The following PRUNE2 variants were observed in gnomAD, a reference collection of about 807,000 sequenced individuals.
PRUNE2 encodes prune homolog 2 with BCH domain.
A neutral mutation model predicts 252.0 loss-of-function variants in PRUNE2; 164 were observed. That is an observed-to-expected ratio of 0.65 (90% CI 0.57 to 0.74). PRUNE2 has a LOEUF of 0.74. Ranked by LOEUF, PRUNE2 falls within the 30% of genes least tolerant of loss-of-function variation. PRUNE2 has a pLI of 0.00. For missense variants in PRUNE2, 3,495 were observed against 3,711.0 expected (o/e 0.94, Z 1.51); for synonymous variants, 1,292 against 1,350.2 (o/e 0.96, Z 0.94).
intron 17 of PRUNE2, among the ~76,000 whole-genome samples, chr9:76,622,690 A>G (rs1236473952): frequency 6.6e-6 from 1 of 152,250 alleles, no homozygotes; most frequent in Admixed American, 6.5e-5. Context: ...TGTTACACCA[A>G]CACTCAGTTC....
In PRUNE2 at chr9:76,707,846, G is replaced by A. The variant is rs775018894; in HGVS notation, c.4428C>T (p.Asn1476=). The stretch of plus-strand genomic sequence containing the variant: ...CTCTGTGAGGTGGCCCTCCACCCAC[G>A]TTCTCTGGCTCTAGAAAGTTACATT... The part of the protein sequence containing the change: ...TEECNFLEPE[N]VGGGPPHRVP... Residue 1476 remains asparagine, a synonymous_variant, in exon 8 of 19, where the codon AAC becomes AAT. Coordinates refer to ENST00000376718, the MANE Select transcript of PRUNE2 (RefSeq NM_015225.3). The A allele has an allele frequency of 1.1e-5, 18 of 1,613,540 alleles. No individual in the cohort carries two copies. Among genetic ancestry groups the A allele is most frequent in the East Asian group, 1.1e-4 (5 of 44,892 alleles).
chr9:76,896,978 G>A (rs1028427868), intron 1 of PRUNE2, among the ~76,000 whole-genome samples: 2 of 152,170 alleles, frequency 1.3e-5, no homozygotes, highest in Admixed American at 6.5e-5. Context: ...CCTCCCAATC[G>A]TTTATCAGTT....
At chr9:76,901,485 G>A (rs895104438) in intron 1 of PRUNE2, among the ~76,000 whole-genome samples, 2 of 152,160 alleles carry the variant, frequency 1.3e-5, no homozygotes, top group African/African-American at 4.8e-5. Context: ...CCTTTAAAAG[G>A]TATGAAGCAT....
chr9:76,840,846 T>C (rs1305887910), intron 4 of PRUNE2, among the ~76,000 whole-genome samples: 1 of 152,082 alleles, frequency 6.6e-6, no homozygotes, highest in Non-Finnish European at 1.5e-5. Context: ...CCGGGCTTTG[T>C]GGCAGGCACC....
intron 14 of PRUNE2, among the ~76,000 whole-genome samples, chr9:76,637,094 T>C (rs1349770174): frequency 6.6e-6 from 1 of 152,094 alleles, no homozygotes; most frequent in Non-Finnish European, 1.5e-5. Flanking sequence ...GAATGCTTTT[T>C]GAGATGTAAT....
chr9:76,814,419 T>C (rs985175912), intron 6 of PRUNE2, among the ~76,000 whole-genome samples: 5 of 152,172 alleles, frequency 3.3e-5, no homozygotes, highest in African/African-American at 1.2e-4. Context: ...CAAGTACCAA[T>C]TGAGTTCCCA....
intron 6 of PRUNE2, among the ~76,000 whole-genome samples, chr9:76,731,350 T>TATTG (rs59278163): frequency 0.18 from 25,305 of 141,866 alleles, 2,828 homozygotes; most frequent in East Asian, 0.49. Context: ...TGAGACAGGG[T>TATTG]ATTGCTCTGT....
intron 6 of PRUNE2, chr9:76,739,368 A>C (rs1219738126): frequency 6.6e-6 from 1 of 152,140 alleles, no homozygotes; most frequent in African/African-American, 2.4e-5. Flanking sequence ...CATGCCTATA[A>C]ACACAGGAAG....
chr9:76,661,141 A>C (rs945990105), intron 9 of PRUNE2, among the ~76,000 whole-genome samples: 1 of 152,248 alleles, frequency 6.6e-6, no homozygotes, highest in Non-Finnish European at 1.5e-5. Context: ...TTCTGCTTAA[A>C]AAAGAAACAT....
intron 9 of PRUNE2, among the ~76,000 whole-genome samples, chr9:76,668,340 C>G (rs574530547): frequency 5.9e-5 from 9 of 152,246 alleles, no homozygotes; most frequent in African/African-American, 2.2e-4. Flanking sequence ...CTCTGATTTT[C>G]CCAACTGTGC....
chr9:76,626,550 A>G (rs1017301997), intron 16 of PRUNE2, among the ~76,000 whole-genome samples: 4 of 152,216 alleles, frequency 2.6e-5, no homozygotes, highest in Non-Finnish European at 5.9e-5. Context: ...CTTTCTCCAG[A>G]AAAAAATTTT....
chr9:76,730,531 C>T (rs2048469389), intron 6 of PRUNE2, among the ~76,000 whole-genome samples: 1 of 152,104 alleles, frequency 6.6e-6, no homozygotes, highest in South Asian at 2.1e-4. Context: ...GGTCTGTGCA[C>T]CACATGTTGA....
chr9:76,778,818 T>C (rs2054071803), intron 6 of PRUNE2: 3 of 152,254 alleles, frequency 2.0e-5, no homozygotes, highest in Non-Finnish European at 4.4e-5. Flanking sequence ...CCAAATTTAA[T>C]ATATGTCAGA....
At position 76,702,063 on chromosome 9, in the gene PRUNE2, C is replaced by CT. The variant is rs533432061; in HGVS notation, c.8276+1273dup. ...AGTAGCAAAAATATATCTTTTCTCGCTTTTTTTTTTTTTTGAGACGGAGTC... is the reference window on the plus strand; with the variant it reads ...AGTAGCAAAAATATATCTTTTCTCGCTTTTTTTTTTTTTTTGAGACGGAGTC... On this transcript the variant is annotated intron_variant, in intron 9 of 18. Coordinates refer to ENST00000376718, the MANE Select transcript of PRUNE2 (RefSeq NM_015225.3). Among the ~76,000 whole-genome samples, 585 of 141,960 alleles carry CT rather than the reference C, an allele frequency of 4.1e-3. 11 individuals carry two copies. Among genetic ancestry groups the CT allele is most frequent in the East Asian group, 0.014 (68 of 4,944 alleles). The allele number at this position is 141,960 out of a possible 152,430, so 93.1% of individuals were successfully genotyped here. A position where few individuals can be genotyped will look rare whatever the true frequency, so the allele number is the denominator to read the frequency against.
intron 6 of PRUNE2, 83 bp from the exon 7 acceptor site, chr9:76,713,804 G>T: frequency 1.1e-6 from 1 of 947,854 alleles, no homozygotes; most frequent in Non-Finnish European, 1.6e-6. Flanking sequence ...CCAGTCTTAT[G>T]ATGTATTTAG....
rs35532918 is a variant in PRUNE2, at chr9:76,859,686, CTTGTTTGT to C, written c.37-5486_37-5479del. ...CCCCAAGAATTCAGAGGCTAGGGTG[CTTGTTTGT>C]TTGTTTGTTTGTTTGTTTGTTTGTT... is the stretch of plus-strand genomic sequence containing the variant. On this transcript the variant is annotated intron_variant, in intron 1 of 18. Transcript: ENST00000376718. Among the ~76,000 whole-genome samples, 1,435 of 150,354 alleles carry C rather than the reference CTTGTTTGT, an allele frequency of 9.5e-3. 14 individuals are homozygous for C. Among genetic ancestry groups the C allele is most frequent in the African/African-American group, 0.018 (744 of 40,748 alleles).
chr9:76,860,128 G>T (rs1222228423), intron 1 of PRUNE2, among the ~76,000 whole-genome samples: 1 of 152,168 alleles, frequency 6.6e-6, no homozygotes, highest in Admixed American at 6.5e-5. Flanking sequence ...TTCCGGGAGG[G>T]AGTCTCAGGA....
At chr9:76,732,034 G>A (rs1200402088) in intron 6 of PRUNE2, among the ~76,000 whole-genome samples, 1 of 152,182 alleles carries the variant, frequency 6.6e-6, no homozygotes, top group Non-Finnish European at 1.5e-5. Flanking sequence ...ATTACACTTG[G>A]CCGGGCGCGG....
intron 1 of PRUNE2, among the ~76,000 whole-genome samples, chr9:76,860,919 G>A (rs980836140): frequency 3.9e-5 from 6 of 152,168 alleles, no homozygotes; most frequent in African/African-American, 1.4e-4. Flanking sequence ...CAGAAGACTG[G>A]CTGCAGGGTG....
Sources: allele counts gnomAD v4.1 joint callset (sites outside exome capture counted in the v4.1 genomes callset), GRCh38; gene constraint gnomAD v4.1.1; transcripts MANE v1.5; gene names NCBI Gene and HGNC (gene_info 2026-07-23, HGNC 2026-07-21).